EYS: variants seen among roughly 807,000 people sequenced by gnomAD.
EYS encodes the protein EGF-like photoreceptor maintenance factor, also known as protein eyes shut homolog.
EYS carries 250 observed loss-of-function variants against 282.1 expected under a neutral mutation model. The ratio of observed to expected loss-of-function variants is 0.89; its 90% confidence interval spans 0.80 to 0.98. The LOEUF (loss-of-function observed/expected upper bound fraction) is 0.98, where lower values mean the gene tolerates loss of function less well. Ranked by LOEUF, EYS falls within the 50% of genes least tolerant of loss-of-function variation. EYS has a pLI of 0.00. For synonymous variants in EYS, 1,355 were observed against 1,282.9 expected (o/e 1.06, Z -1.20); for missense variants, 4,016 against 3,709.0 (o/e 1.08, Z -2.15).
rs988768937 is a variant in EYS at position 64,822,737 on chromosome 6, A to G, written c.3078T>C (p.Tyr1026=). 3.4e-5 allele frequency: 52 copies of G among 1,550,244 alleles called. No individual in the cohort carries two copies. In the African/African-American group the frequency reaches 6.6e-4, roughly 20 times the overall value. The change falls in exon 20 of 43, where the codon TAT becomes TAC. Residue 1026 remains tyrosine (Y), a synonymous_variant. Transcript: ENST00000503581. ...DGVCIDGINH[Y]TCDCKSGFFG... is the part of the protein sequence containing the mutation. ...AAAACCCACTCTTGCAGTCACAGGT[A>G]TAATGATTGATGCCATCGATACAAA...
intron 5 of EYS, among the ~76,000 whole-genome samples, chr6:65,483,216 A>G (rs1348215500): frequency 6.6e-6 from 1 of 152,034 alleles, no homozygotes; most frequent in Non-Finnish European, 1.5e-5. Context: ...TTTGTACTCT[A>G]TTTCACAATA....
At position 63,720,824 on chromosome 6, in the gene EYS, A is replaced by G. The variant is rs1313678324; in HGVS notation, c.9207T>C (p.Asp3069=). The G allele has an allele frequency of 3.2e-6, 5 of 1,551,136 alleles. No individual in the cohort carries two copies. In the African/African-American group the frequency reaches 4.1e-5, roughly 13 times the overall value. The change falls in exon 43 of 43, where the codon GAT becomes GAC. Residue 3069 remains aspartate (D), a synonymous_variant. Transcript: ENST00000503581. ...CCACAAAGTTTTTATGTGGATCAAT[A>G]TCCTCGGAAAGAATTAGACTGTTAT... ...YINNSLILSE[D]IDPHKNFVAL... is the part of the protein sequence containing the mutation.
At chr6:64,392,805 C>T (rs1381517508) in intron 28 of EYS, among the ~76,000 whole-genome samples, 12 of 151,016 alleles carry the variant, frequency 7.9e-5, no homozygotes, top group Non-Finnish European at 1.6e-4. Context: ...AATAGAGACA[C>T]AAAAAACCCT....
intron 14 of EYS, among the ~76,000 whole-genome samples, chr6:64,950,671 C>T (rs1300752888): frequency 2.0e-5 from 3 of 148,800 alleles, no homozygotes; most frequent in African/African-American, 7.4e-5. Context: ...CAAATGAAAA[C>T]AAAATGGGAA....
chr6:65,033,623 C>A (rs947186346), intron 13 of EYS, among the ~76,000 whole-genome samples: 7 of 152,088 alleles, frequency 4.6e-5, no homozygotes, highest in Admixed American at 1.3e-4. Flanking sequence ...CCTGTAGGGG[C>A]ACAGAATACA....
chr6:64,576,633 T>A (rs1666111230), intron 26 of EYS, among the ~76,000 whole-genome samples: 1 of 152,028 alleles, frequency 6.6e-6, no homozygotes, highest in South Asian at 2.1e-4. Context: ...TTTGTCTGAA[T>A]CACAAAAATC....
intron 26 of EYS, among the ~76,000 whole-genome samples, chr6:64,548,776 T>C (rs372009049): frequency 2.6e-5 from 4 of 152,020 alleles, no homozygotes; most frequent in East Asian, 3.9e-4. Context: ...CATGTATACA[T>C]ATGTAACAAA....
At chr6:65,212,852 T>G (rs1392166080) in intron 12 of EYS, among the ~76,000 whole-genome samples, 1 of 151,900 alleles carries the variant, frequency 6.6e-6, no homozygotes, top group Admixed American at 6.5e-5. Flanking sequence ...ATTTAGAAAA[T>G]AAATTTATCA....
chr6:65,172,452 C>T (rs563091045), intron 12 of EYS, among the ~76,000 whole-genome samples: 1 of 151,408 alleles, frequency 6.6e-6, no homozygotes, highest in African/African-American at 2.4e-5. Context: ...TGATATTGGC[C>T]ATTCTGCTTC....
chr6:64,085,339 C>T (rs979655714), intron 31 of EYS, among the ~76,000 whole-genome samples: 1 of 120,654 alleles, frequency 8.3e-6, no homozygotes, highest in Non-Finnish European at 1.8e-5. Context: ...CACGTGCGCG[C>T]GCACACACAC....
intron 31 of EYS, among the ~76,000 whole-genome samples, chr6:64,141,518 AT>A (rs964783515): frequency 1.6e-4 from 23 of 146,616 alleles, no homozygotes; most frequent in African/African-American, 6.1e-4. Flanking sequence ...TTTTATTTTT[AT>A]TTTTTTGCCA....
intron 11 of EYS, among the ~76,000 whole-genome samples, chr6:65,324,509 C>A (rs1769564312): frequency 6.6e-6 from 1 of 152,176 alleles, no homozygotes; most frequent in African/African-American, 2.4e-5. Context: ...TCCTTGCAAC[C>A]CTCTTCGCTT....
At chr6:65,257,237 G>A (rs1338763275) in intron 12 of EYS, among the ~76,000 whole-genome samples, 1 of 59,576 alleles carries the variant, frequency 1.7e-5, no homozygotes, top group Non-Finnish European at 3.0e-5. Flanking sequence ...TCACTCTGAT[G>A]GTAGTTTCTT....
intron 2 of EYS, among the ~76,000 whole-genome samples, chr6:65,634,606 A>G (rs771470735): frequency 6.6e-6 from 1 of 152,202 alleles, no homozygotes; most frequent in Non-Finnish European, 1.5e-5. Flanking sequence ...CCATATTTCA[A>G]ACTTGACTTC....
intron 35 of EYS, among the ~76,000 whole-genome samples, chr6:63,874,348 G>T (rs1279326846): frequency 6.6e-6 from 1 of 152,076 alleles, no homozygotes; most frequent in Non-Finnish European, 1.5e-5. Context: ...TGTTCCATTG[G>T]TCTATATCTC....
At chr6:63,839,798 C>G (rs976519067) in intron 36 of EYS, among the ~76,000 whole-genome samples, 1 of 152,164 alleles carries the variant, frequency 6.6e-6, no homozygotes, top group Non-Finnish European at 1.5e-5. Flanking sequence ...ACCCTCCACA[C>G]TGTTTTCCAC....
At chr6:65,493,200 C>T (rs1582373770) in intron 4 of EYS, among the ~76,000 whole-genome samples, 1 of 152,300 alleles carries the variant, frequency 6.6e-6, no homozygotes, top group South Asian at 2.1e-4. Flanking sequence ...TAGGCATGAG[C>T]CGCCTCCAAG....
intron 26 of EYS, among the ~76,000 whole-genome samples, chr6:64,577,752 G>T (rs1312101889): frequency 6.6e-6 from 1 of 151,996 alleles, no homozygotes; most frequent in African/African-American, 2.4e-5. Flanking sequence ...TTGTAATAAG[G>T]AATGTCATTA....
chr6:64,087,817 G>A (rs1335407908), intron 31 of EYS, among the ~76,000 whole-genome samples: 7 of 151,930 alleles, frequency 4.6e-5, no homozygotes, highest in African/African-American at 1.7e-4. Flanking sequence ...CTTTATATAT[G>A]GGTTTATATA....
Sources: gnomAD v4.1 joint callset for allele counts (sites outside exome capture counted in the v4.1 genomes callset) on GRCh38, gnomAD v4.1.1 for gene constraint, MANE v1.5 for transcripts, NCBI Gene and HGNC (gene_info 2026-07-23, HGNC 2026-07-21) for gene names.